The following ZNF592 variants were observed in gnomAD, a reference collection of about 807,000 sequenced individuals.
The protein encoded by ZNF592 is zinc finger protein 592.
ZNF592 carries 11 observed loss-of-function variants against 80.3 expected under a neutral mutation model. The ratio of observed to expected loss-of-function variants is 0.14; its 90% confidence interval spans 0.09 to 0.23. ZNF592 has a LOEUF of 0.23. Among genes scored for constraint, ZNF592 ranks in the 10% least tolerant of loss-of-function variants. ZNF592 has a pLI of 1.00. For missense variants in ZNF592, 1,420 were observed against 1,633.9 expected, an observed-to-expected ratio of 0.87 and a Z score of 2.26; for synonymous variants, 646 against 640.3, an observed-to-expected ratio of 1.01 and a Z score of -0.13.
At chr15:84,792,526 C>T (rs1477160896) in intron 5 of ZNF592, among the ~76,000 whole-genome samples, 2 of 152,292 alleles carry the variant, frequency 1.3e-5, no homozygotes, top group African/African-American at 4.8e-5. Flanking sequence ...TCGTGGCTCA[C>T]TGCAGCCTTG....
rs1963231367 is a variant in ZNF592, at chr15:84,806,279, G to A, written c.*3886G>A. 6.6e-6 allele frequency: 1 copy of A among 152,224 alleles called. No individual in the cohort carries two copies. Among genetic ancestry groups the A allele is most frequent in the Non-Finnish European group, 1.5e-5 (1 of 68,040 alleles). 9.4% of individuals were successfully genotyped at this position (152,224 alleles called of 1,614,324 possible). ...ATGCCACCGGAGCCTTAGGAACTGGGCACAGGAAGCCTTGGGCCCCTGGAG... is the reference window on the plus strand; with the variant it reads ...ATGCCACCGGAGCCTTAGGAACTGGACACAGGAAGCCTTGGGCCCCTGGAG... On this transcript the variant is annotated 3_prime_UTR_variant, in exon 11 of 11. Coordinates refer to ENST00000560079, the MANE Select transcript of ZNF592 (RefSeq NM_014630.3).
At chr15:84,796,054 T>TC (rs962996082) in intron 5 of ZNF592, among the ~76,000 whole-genome samples, 4 of 151,006 alleles carry the variant, frequency 2.6e-5, no homozygotes, top group African/African-American at 9.8e-5. Context: ...AAACCCCGTC[T>TC]CTACTAAAAA....
intron 2 of ZNF592, among the ~76,000 whole-genome samples, chr15:84,765,582 A>G (rs1899490285): frequency 8.5e-6 from 1 of 117,350 alleles, no homozygotes; most frequent in African/African-American, 3.3e-5. Context: ...CTCTGTTGCC[A>G]GACTGGAGTG....
intron 1 of ZNF592, among the ~76,000 whole-genome samples, chr15:84,760,388 A>G (rs1899314719): frequency 6.6e-6 from 1 of 152,180 alleles, no homozygotes; most frequent in African/African-American, 2.4e-5. Flanking sequence ...AACTGAGAAT[A>G]TATTCACTCT....
At chr15:84,768,435 A>C (rs1899601150) in intron 2 of ZNF592, among the ~76,000 whole-genome samples, 1 of 151,732 alleles carries the variant, frequency 6.6e-6, no homozygotes, top group Non-Finnish European at 1.5e-5. Flanking sequence ...ACAAGGTTTC[A>C]TCATGTGGAC....
intron 2 of ZNF592, among the ~76,000 whole-genome samples, chr15:84,772,066 A>T (rs778000584): frequency 1.3e-5 from 2 of 152,366 alleles, no homozygotes; most frequent in Non-Finnish European, 2.9e-5. Context: ...TATTGATACC[A>T]TAGGAGTGAA....
At chr15:84,793,181 A>G (rs942348405) in intron 5 of ZNF592, among the ~76,000 whole-genome samples, 24 of 152,142 alleles carry the variant, frequency 1.6e-4, no homozygotes, top group African/African-American at 5.1e-4. Context: ...AGTTCAAGCA[A>G]TTCTCCTGCC....
Position 84,799,871 on chromosome 15 carries a change from C to T in ZNF592, c.3167C>T (p.Pro1056Leu). 1.2e-6 allele frequency: 2 copies of T among 1,614,196 alleles called. No individual in the cohort carries two copies. The highest frequency in any genetic ancestry group is 1.7e-6 in the Non-Finnish European group (2 of 1,180,036). ...GYCTEDSPSFPRPSLLESHIS... is the reference protein window; with the variant it reads ...GYCTEDSPSFLRPSLLESHIS... The stretch of plus-strand genomic sequence containing the variant: ...TGCACAGAGGACAGCCCCAGCTTTC[C>T]TCGGCCCTCCCTTCTGGAGAGCCAC... Residue 1056 changes from proline (P) to leucine (L), a missense_variant, in exon 10 of 11, where the codon CCT becomes CTT. By Grantham distance (98) the Pro-to-Leu change is moderately conservative (BLOSUM62 -3). Around this residue, in one of 7 missense-constraint regions of ZNF592, gnomAD observed 331 missense variants for 347.0 expected, o/e 0.95. Transcript: ENST00000560079. The surrounding 1 kb of genome is among the most constrained non-coding windows in gnomAD (Gnocchi z 4.2).
chr15:84,760,566 A>G (rs1043577693), intron 1 of ZNF592, among the ~76,000 whole-genome samples: 2 of 152,174 alleles, frequency 1.3e-5, no homozygotes, highest in African/African-American at 4.8e-5. Flanking sequence ...AGTGACTAGA[A>G]CAAGGCCTGG....
In ZNF592 at chr15:84,783,287, A is replaced by G. The variant is rs1596123375; in HGVS notation, c.612A>G (p.Glu204=). The G allele has an allele frequency of 1.2e-6, 2 of 1,614,082 alleles. No homozygotes were observed. The highest frequency in any genetic ancestry group is 1.7e-6 in the Non-Finnish European group (2 of 1,180,050). ...TGTTTGATCATTTTTGTAAGAAAGA[A>G]CCCAAGCCAGAACCCCTGCCCTTGG... The part of the protein sequence containing the change: ...LHMFDHFCKK[E]PKPEPLPLGS... The change falls in exon 4 of 11, where the codon GAA becomes GAG. Residue 204 remains glutamate (E), a synonymous_variant. Transcript: ENST00000560079. This position sits in a 1 kb window ranked among gnomAD's most constrained non-coding sequence, Gnocchi z 5.0.
In ZNF592 at chr15:84,781,390, A is replaced by ATTTT. The variant is rs75113679; in HGVS notation, c.-19-1255_-19-1252dup. On this transcript the variant is annotated intron_variant, in intron 3 of 10. Transcript: ENST00000560079. ...ATGACTGCGTTATAGTCTATCAAGT[A>ATTTT]TTTTTTTTTTTTTTTGGTCTTAGAC... Among the ~76,000 whole-genome samples, 5 of 129,236 alleles carry ATTTT rather than the reference A, an allele frequency of 3.9e-5. 1 individual carries two copies. The East Asian group carries it at 1.2e-3, about 30-fold the overall frequency. 84.8% of individuals were successfully genotyped at this position (129,236 alleles called of 152,430 possible).
chr15:84,753,929 G>A (rs1249043240), intron 1 of ZNF592, among the ~76,000 whole-genome samples: 2 of 152,132 alleles, frequency 1.3e-5, no homozygotes, highest in African/African-American at 4.8e-5. Context: ...CTGGTCCAGC[G>A]GCCTCCCTTT....
At chr15:84,789,219 G>A (rs1020063000) in intron 4 of ZNF592, among the ~76,000 whole-genome samples, 4 of 148,378 alleles carry the variant, frequency 2.7e-5, no homozygotes, top group African/African-American at 1.0e-4. Context: ...CTGCGCTCTA[G>A]TCTGGGCATC....
intron 2 of ZNF592, among the ~76,000 whole-genome samples, chr15:84,776,004 C>G (rs1025074875): frequency 6.6e-6 from 1 of 152,164 alleles, no homozygotes; most frequent in South Asian, 2.1e-4. Flanking sequence ...TTCTTTACCC[C>G]CAAGGGGACT....
intron 1 of ZNF592, among the ~76,000 whole-genome samples, chr15:84,760,354 T>C (rs1187176362): frequency 6.6e-6 from 1 of 152,174 alleles, no homozygotes; most frequent in African/African-American, 2.4e-5. Flanking sequence ...CCCCATATTC[T>C]CATGGCTTGC....
intron 1 of ZNF592, among the ~76,000 whole-genome samples, chr15:84,761,126 G>C (rs1310790116): frequency 6.6e-6 from 1 of 152,090 alleles, no homozygotes; most frequent in African/African-American, 2.4e-5. Flanking sequence ...ACCACACCTG[G>C]CTAATTTTTT....
intron 5 of ZNF592, among the ~76,000 whole-genome samples, chr15:84,794,991 T>C (rs1018729593): frequency 4.6e-5 from 7 of 151,896 alleles, no homozygotes; most frequent in African/African-American, 1.7e-4. Context: ...TGAACTCTAC[T>C]ACAGAGTTTT....
chr15:84,800,194 T>A (rs1185947762), intron 10 of ZNF592, among the ~76,000 whole-genome samples: 1 of 152,234 alleles, frequency 6.6e-6, no homozygotes, highest in Non-Finnish European at 1.5e-5. Flanking sequence ...CTTTTGTTAC[T>A]GTTGCTTCCC....
At position 84,802,037 on chromosome 15, in the gene ZNF592, A is replaced by G. The variant is rs753301131; in HGVS notation, c.3448A>G (p.Ser1150Gly). ...CCACATACCTCAGCACCAGGTGGAC[A>G]GCTCCACAGCCCAATGTCTCCTCTG... ...QSHIPQHQVD[S>G]STAQCLLCGL... The change falls in exon 11 of 11, where the codon AGC (serine) becomes GGC (glycine). Residue 1150 changes from serine (S) to glycine (G), a missense_variant. Around this residue, in one of 7 missense-constraint regions of ZNF592, gnomAD observed 145 missense variants for 211.9 expected, o/e 0.68. Transcript: ENST00000560079. 6.2e-7 allele frequency: 1 copy of G among 1,613,952 alleles called. No individual in the cohort carries two copies. The highest frequency in any genetic ancestry group is 8.5e-7 in the Non-Finnish European group (1 of 1,179,876).
Sources: gnomAD v4.1 joint callset for allele counts (sites outside exome capture counted in the v4.1 genomes callset) on GRCh38, gnomAD v4.1.1 for gene constraint, gnomAD v4.1.1 regional missense constraint, Gnocchi (gnomAD v3.1) non-coding constraint, MANE v1.5 for transcripts, NCBI Gene and HGNC (gene_info 2026-07-23, HGNC 2026-07-21) for gene names.